ADARB1: variants seen among roughly 807,000 people sequenced by gnomAD.
ADARB1 encodes the protein adenosine deaminase RNA specific B1.
In ADARB1, 10 loss-of-function variants were observed where a neutral mutation model predicts 52.4. That is an observed-to-expected ratio of 0.19 (90% CI 0.12 to 0.32). The LOEUF is 0.32. Among genes scored for constraint, ADARB1 ranks in the 10% least tolerant of loss-of-function variants. The pLI is 1.00. For missense variants in ADARB1, 643 were observed against 922.3 expected, an observed-to-expected ratio of 0.70 and a Z score of 3.92; for synonymous variants, 349 against 371.1, an observed-to-expected ratio of 0.94 and a Z score of 0.68.
chr21:45,173,026 A>G (rs1423571511), intron 3 of ADARB1, among the ~76,000 whole-genome samples: 4 of 152,206 alleles, frequency 2.6e-5, no homozygotes, highest in South Asian at 2.1e-4. Context: ...CCAACGGAGC[A>G]TGTGCAGGGG....
chr21:45,078,370 A>G (rs2086026654), intron 1 of ADARB1, among the ~76,000 whole-genome samples: 2 of 152,206 alleles, frequency 1.3e-5, no homozygotes, highest in Admixed American at 1.3e-4. Context: ...GAGATTCAGG[A>G]TGAGCCTGAT....
At chr21:45,136,705 C>T (rs1314418574) in intron 2 of ADARB1, among the ~76,000 whole-genome samples, 2 of 152,228 alleles carry the variant, frequency 1.3e-5, no homozygotes, top group Non-Finnish European at 2.9e-5. Context: ...GGTGTCCCCG[C>T]ACCCAGAGGA....
intron 9 of ADARB1, among the ~76,000 whole-genome samples, chr21:45,205,142 TC>T (rs1434485542): frequency 1.3e-5 from 2 of 152,066 alleles, no homozygotes; most frequent in Non-Finnish European, 2.9e-5. Flanking sequence ...ATGCCTGTGG[TC>T]CCAGCTACTT....
At chr21:45,120,113 C>T (rs945155008) in intron 1 of ADARB1, among the ~76,000 whole-genome samples, 7 of 152,186 alleles carry the variant, frequency 4.6e-5, no homozygotes, top group East Asian at 1.9e-4. Flanking sequence ...TAATTCACTT[C>T]GTAGGTTACC....
rs372851023 is a variant in ADARB1, at chr21:45,175,656, A to C, written c.29-74A>C. 3 of 1,448,844 alleles carry C rather than the reference A, an allele frequency of 2.1e-6. No homozygotes were observed. The African/African-American group carries it at 4.2e-5, about 20-fold the overall frequency. 89.7% of individuals were successfully genotyped at this position (1,448,844 alleles called of 1,614,324 possible). A position where few individuals can be genotyped will look rare whatever the true frequency, so the allele number is the denominator to read the frequency against. On this transcript the variant is annotated intron_variant, in intron 3 of 10. Transcript: ENST00000348831. ...CTTAACCAGTTACAAAGAGAGCTAAAGGAATCTATAAATTTTGCATTTACA... is the reference window on the plus strand; with the variant it reads ...CTTAACCAGTTACAAAGAGAGCTAACGGAATCTATAAATTTTGCATTTACA...
Position 45,204,831 on chromosome 21 carries a change from G to A in ADARB1, c.1747+95G>A. 3 of 1,334,016 alleles carry A rather than the reference G, an allele frequency of 2.2e-6. No individual in the cohort carries two copies. The highest frequency in any genetic ancestry group is 3.1e-6 in the Non-Finnish European group (3 of 979,396). 82.6% of individuals were successfully genotyped at this position (1,334,016 alleles called of 1,614,324 possible). On this transcript the variant is annotated intron_variant, in intron 9 of 10. Coordinates refer to ENST00000348831, the MANE Select transcript of ADARB1 (RefSeq NM_001112.4). The surrounding 1 kb of genome is among the most constrained non-coding windows in gnomAD (Gnocchi z 4.4). The stretch of plus-strand genomic sequence containing the variant: ...AAAAAAACACCACCTGAGCTGCTCT[G>A]TGGCTATCAAAAGAACATCAGAGTC...
chr21:45,143,201 T>G (rs905203737), intron 2 of ADARB1, among the ~76,000 whole-genome samples: 16 of 152,150 alleles, frequency 1.1e-4, no homozygotes, highest in African/African-American at 3.9e-4. Flanking sequence ...TGCTCCTCAC[T>G]CAGGAATTGC....
chr21:45,074,988 C>G (rs1187622734), intron 1 of ADARB1, among the ~76,000 whole-genome samples, 195 bp downstream of exon 1: 4 of 151,282 alleles, frequency 2.6e-5, no homozygotes, highest in Non-Finnish European at 5.9e-5. Context: ...GGTCGCCCGT[C>G]TGCTCCGGCG....
intron 8 of ADARB1, among the ~76,000 whole-genome samples, chr21:45,203,692 CCCCACA>C (rs1379176866): frequency 6.6e-6 from 1 of 152,204 alleles, no homozygotes; most frequent in African/African-American, 2.4e-5. Context: ...CGCTGTAAAT[CCCCACA>C]CCCTACCTGC....
At chr21:45,185,291 A>G (rs372079703) in intron 8 of ADARB1, among the ~76,000 whole-genome samples, 200 bp downstream of exon 8, 5 of 152,256 alleles carry the variant, frequency 3.3e-5, no homozygotes, top group Non-Finnish European at 7.3e-5. Flanking sequence ...ACCTAGACAC[A>G]GGAGGCTCCA....
In ADARB1 at chr21:45,220,791, G is replaced by T. The variant is rs747980810; in HGVS notation, c.1748-45G>T. 2 of 1,597,404 alleles carry T rather than the reference G, an allele frequency of 1.3e-6. No individual in the cohort carries two copies. Among genetic ancestry groups the T allele is most frequent in the Non-Finnish European group, 1.7e-6 (2 of 1,168,710 alleles). On this transcript the variant is annotated intron_variant, in intron 9 of 10. Transcript: ENST00000348831. This position sits in a 1 kb window ranked among gnomAD's most constrained non-coding sequence, Gnocchi z 6.3. ...CGCCCGTGGCTGCTCCCTCCCTGGG[G>T]GTGAAAGCGGGCTTCACACCACCTT...
chr21:45,179,131 C>T (rs2091825723), intron 4 of ADARB1, among the ~76,000 whole-genome samples: 1 of 152,228 alleles, frequency 6.6e-6, no homozygotes, highest in Admixed American at 6.5e-5. Flanking sequence ...CTCTGGCACC[C>T]TGGCCACGTC....
intron 2 of ADARB1, chr21:45,132,368 TC>T (rs1461566502): frequency 6.6e-6 from 1 of 152,236 alleles, no homozygotes. Flanking sequence ...TCCAGTAGCC[TC>T]TGTCATTCCA....
chr21:45,180,496 T>C, intron 5 of ADARB1, 52 bp downstream of exon 5: 2 of 1,445,052 alleles, frequency 1.4e-6, no homozygotes, highest in East Asian at 4.7e-5. Context: ...GTCTGACAAA[T>C]GTGAAATGTT....
chr21:45,121,803 C>T (rs1601439352), intron 1 of ADARB1, among the ~76,000 whole-genome samples: 1 of 152,200 alleles, frequency 6.6e-6, no homozygotes, highest in Non-Finnish European at 1.5e-5. Context: ...TACCTGTTTA[C>T]TAACTGTTTG....
chr21:45,169,734 C>T (rs1324927892), intron 2 of ADARB1, among the ~76,000 whole-genome samples: 8 of 152,330 alleles, frequency 5.3e-5, no homozygotes, highest in South Asian at 2.1e-4. Flanking sequence ...CAGGCTTATT[C>T]GTTGTTCCTC....
chr21:45,216,016 G>A (rs1001138635), intron 9 of ADARB1, among the ~76,000 whole-genome samples: 1 of 152,068 alleles, frequency 6.6e-6, no homozygotes, highest in African/African-American at 2.4e-5. Context: ...GGCTATTCAT[G>A]TTATCTGTTT....
chr21:45,099,403 G>A (rs1446718981), intron 1 of ADARB1, among the ~76,000 whole-genome samples: 1 of 152,062 alleles, frequency 6.6e-6, no homozygotes, highest in Non-Finnish European at 1.5e-5. Flanking sequence ...GGTGGCTCAC[G>A]CCTGTAATCC....
At chr21:45,160,760 C>T (rs2090921561) in intron 2 of ADARB1, among the ~76,000 whole-genome samples, 1 of 152,138 alleles carries the variant, frequency 6.6e-6, no homozygotes, top group Non-Finnish European at 1.5e-5. Flanking sequence ...AGAGCGTGTA[C>T]TGAATTTGGG....
Sources: gnomAD v4.1 joint callset for allele counts (sites outside exome capture counted in the v4.1 genomes callset) on GRCh38, gnomAD v4.1.1 for gene constraint, Gnocchi (gnomAD v3.1) non-coding constraint, MANE v1.5 for transcripts, NCBI Gene and HGNC (gene_info 2026-07-23, HGNC 2026-07-21) for gene names.